The following ATXN10 variants were observed in gnomAD, a reference collection of about 807,000 sequenced individuals.
The protein encoded by ATXN10 is ataxin-10.
A neutral mutation model predicts 52.9 loss-of-function variants in ATXN10; 28 were observed. The observed-to-expected ratio is 0.53, with a 90% CI of 0.39 to 0.73. The LOEUF (loss-of-function observed/expected upper bound fraction) is 0.73. ATXN10 is among the 30% of genes least tolerant of loss of function. ATXN10 has a pLI of 0.00. For synonymous variants in ATXN10, 226 were observed against 221.5 expected (o/e 1.02, Z -0.18); for missense variants, 565 against 577.0 (o/e 0.98, Z 0.21).
Position 45,783,996 on chromosome 22 carries a change from C to T in ATXN10, c.1174-22963C>T, listed in dbSNP as rs773867356. 1.3e-5 allele frequency among the ~76,000 whole-genome samples: 2 copies of T among 152,072 alleles called. No homozygotes were observed. The highest frequency in any genetic ancestry group is 6.6e-5 in the Admixed American group (1 of 15,184). The stretch of plus-strand genomic sequence containing the variant: ...CCCGCATTTGTCCCTGACTGCTTTG[C>T]AGGCCGTCCCCTGTCCTACAGCAGG... On this transcript the variant is annotated intron_variant, in intron 9 of 11. Coordinates refer to ENST00000252934, the MANE Select transcript of ATXN10 (RefSeq NM_013236.4). The surrounding 1 kb of genome is among the most constrained non-coding windows in gnomAD (Gnocchi z 5.0).
intron 9 of ATXN10, among the ~76,000 whole-genome samples, chr22:45,746,388 A>C (rs1305245650): frequency 2.0e-5 from 3 of 151,954 alleles, no homozygotes; most frequent in Non-Finnish European, 4.4e-5. Context: ...ACTGAAAAAA[A>C]AAGTCTATGG....
intron 9 of ATXN10, among the ~76,000 whole-genome samples, chr22:45,776,235 T>C (rs7285950): frequency 0.019 from 2,834 of 152,304 alleles, 87 homozygotes; most frequent in African/African-American, 0.065. Flanking sequence ...TGGACCATGG[T>C]TTACCTTAAT....
intron 9 of ATXN10, among the ~76,000 whole-genome samples, chr22:45,748,312 T>C (rs984457177): frequency 6.6e-6 from 1 of 152,236 alleles, no homozygotes; most frequent in Admixed American, 6.5e-5. Flanking sequence ...CTCCCCATTA[T>C]ATGTATTTAC....
chr22:45,678,896 T>C lies in ATXN10; in HGVS notation c.116+6717T>C, dbSNP rs1043902405. ...TAGGAGTAGCTCACATGCTATTAAA[T>C]TATTAAATTTAATACATTTGTAATT... On this transcript the variant is annotated intron_variant, in intron 1 of 11. Transcript: ENST00000252934. This position sits in a 1 kb window ranked among gnomAD's most constrained non-coding sequence, Gnocchi z 4.1. 2.0e-5 allele frequency: 3 copies of C among 152,236 alleles called. No homozygotes were observed. Among genetic ancestry groups the C allele is most frequent in the Admixed American group, 6.5e-5 (1 of 15,284 alleles). The allele number at this position is 152,236 out of a possible 1,614,324, so 9.4% of individuals were successfully genotyped here.
intron 6 of ATXN10, among the ~76,000 whole-genome samples, chr22:45,724,798 A>C (rs1405319860): frequency 2.6e-5 from 4 of 152,192 alleles, no homozygotes. Flanking sequence ...TTTCTGGTCT[A>C]GATTTAAATC....
intron 1 of ATXN10, among the ~76,000 whole-genome samples, chr22:45,685,131 G>A (rs1430209886): frequency 6.7e-6 from 1 of 150,130 alleles, no homozygotes; most frequent in Admixed American, 6.6e-5. Flanking sequence ...CCCACCTGAT[G>A]ATTGAACTGT....
chr22:45,791,319 T>C (rs978484638), intron 9 of ATXN10, among the ~76,000 whole-genome samples: 1 of 152,212 alleles, frequency 6.6e-6, no homozygotes, highest in African/African-American at 2.4e-5. Flanking sequence ...TTTAAAATTA[T>C]AGTATTTTAT....
rs368013382 is a variant in ATXN10 at position 45,689,782 on chromosome 22, C to T, written c.187C>T (p.Leu63Phe). Residue 63 changes from leucine to phenylalanine, a missense_variant, in exon 2 of 12, where the codon CTT (leucine) becomes TTT (phenylalanine). Transcript: ENST00000252934. Reference protein sequence around the residue: ...ILKKSSHAVELACRDPSQVEN... With the variant: ...ILKKSSHAVEFACRDPSQVEN... ...AAAGAAATCTTCTCATGCTGTTGAG[C>T]TTGCCTGCAGAGATCCATCCCAAGT... 9 of 1,614,060 alleles carry T rather than the reference C, an allele frequency of 5.6e-6. No homozygotes were observed. Among genetic ancestry groups the T allele is most frequent in the Non-Finnish European group, 7.6e-6 (9 of 1,180,028 alleles).
intron 9 of ATXN10, among the ~76,000 whole-genome samples, chr22:45,748,127 C>T (rs1358728091): frequency 2.6e-5 from 4 of 151,766 alleles, no homozygotes; most frequent in Non-Finnish European, 4.4e-5. Flanking sequence ...TACAGGGAGC[C>T]GTGATCGTGC....
intron 6 of ATXN10, among the ~76,000 whole-genome samples, chr22:45,726,155 T>TA (rs1924860125): frequency 1.3e-5 from 2 of 152,234 alleles, no homozygotes; most frequent in African/African-American, 4.8e-5. Flanking sequence ...ATCAGAGTGA[T>TA]ACTGGCTTCA....
In ATXN10 at chr22:45,689,797, C is replaced by G; in HGVS notation, c.202C>G (p.Pro68Ala). The G allele has an allele frequency of 6.2e-7, 1 of 1,614,176 alleles. No homozygotes were observed. The highest frequency in any genetic ancestry group is 8.5e-7 in the Non-Finnish European group (1 of 1,180,036). The change falls in exon 2 of 12, where the codon CCA (proline) becomes GCA (alanine). Residue 68 changes from proline (P) to alanine (A), a missense_variant. Physicochemically the swap from Pro to Ala is conservative, Grantham distance 27. Transcript: ENST00000252934. ...SHAVELACRDPSQVENLASSL... is the reference protein window; with the variant it reads ...SHAVELACRDASQVENLASSL... Reference sequence around the variant, plus strand: ...TGCTGTTGAGCTTGCCTGCAGAGATCCATCCCAAGTGGAAAACCTGGCTTC... The same window carrying G: ...TGCTGTTGAGCTTGCCTGCAGAGATGCATCCCAAGTGGAAAACCTGGCTTC...
At chr22:45,782,029 T>A (rs1327816039) in intron 9 of ATXN10, among the ~76,000 whole-genome samples, 1 of 152,208 alleles carries the variant, frequency 6.6e-6, no homozygotes, top group East Asian at 1.9e-4. Flanking sequence ...TTTCCTCAAT[T>A]TGGCAAAAAC....
chr22:45,697,166 C>A (rs1208639061), intron 3 of ATXN10, among the ~76,000 whole-genome samples: 1 of 151,886 alleles, frequency 6.6e-6, no homozygotes, highest in Non-Finnish European at 1.5e-5. Context: ...ACGGAGTTTG[C>A]TCTCGTTGCC....
At chr22:45,693,166 C>T (rs1923452881) in intron 3 of ATXN10, 88 bp downstream of exon 3, 4 of 1,056,862 alleles carry the variant, frequency 3.8e-6, no homozygotes, top group Non-Finnish European at 4.4e-6. Context: ...TTCATTGAAA[C>T]ACATGTTCTG....
chr22:45,713,467 G>C (rs1250266506), intron 5 of ATXN10, among the ~76,000 whole-genome samples: 2 of 152,228 alleles, frequency 1.3e-5, no homozygotes, highest in East Asian at 1.9e-4. Context: ...TTAAACTGAG[G>C]AGTTCCTTAG....
Position 45,751,644 on chromosome 22 carries a change from T to G in ATXN10, c.1173+11106T>G, listed in dbSNP as rs570694743. Reference sequence around the variant, plus strand: ...TCTCAATCTAATGAAAATCTGACTGTGAAATGTCTATATATCTCCCCAGGC... The same window carrying G: ...TCTCAATCTAATGAAAATCTGACTGGGAAATGTCTATATATCTCCCCAGGC... On this transcript the variant is annotated intron_variant, in intron 9 of 11. Transcript: ENST00000252934. Among the ~76,000 whole-genome samples, 6 of 151,748 alleles carry G rather than the reference T, an allele frequency of 4.0e-5. No homozygotes were observed. In the East Asian group the frequency reaches 1.2e-3, roughly 29 times the overall value.
chr22:45,711,209 A>G (rs1409825413), intron 5 of ATXN10, among the ~76,000 whole-genome samples: 2 of 152,162 alleles, frequency 1.3e-5, no homozygotes, highest in Admixed American at 6.5e-5. Flanking sequence ...TGTTGGTACA[A>G]GCCATAACTT....
At position 45,708,083 on chromosome 22, in the gene ATXN10, C is replaced by G. The variant is rs958711604; in HGVS notation, c.647+5236C>G. ...CTTTGGGTTTTTTTATTTGAGTATA[C>G]TAGAGACACAGGAAAGTGTAGGCGA... On this transcript the variant is annotated intron_variant, in intron 5 of 11. Transcript: ENST00000252934. The surrounding 1 kb of genome is among the most constrained non-coding windows in gnomAD (Gnocchi z 5.3). Among the ~76,000 whole-genome samples the G allele has an allele frequency of 1.3e-5, 2 of 152,064 alleles. No individual in the cohort carries two copies. The highest frequency in any genetic ancestry group is 4.8e-5 in the African/African-American group (2 of 41,408).
At chr22:45,821,165 A>T (rs1302105697) in intron 10 of ATXN10, among the ~76,000 whole-genome samples, 1 of 152,174 alleles carries the variant, frequency 6.6e-6, no homozygotes, top group African/African-American at 2.4e-5. Context: ...GAGAGAAGCC[A>T]AAGTGTATCA....
Sources: allele counts gnomAD v4.1 joint callset (sites outside exome capture counted in the v4.1 genomes callset), GRCh38; gene constraint gnomAD v4.1.1; non-coding constraint Gnocchi (gnomAD v3.1); transcripts MANE v1.5; gene names NCBI Gene and HGNC (gene_info 2026-07-23, HGNC 2026-07-21).